GLIS3: variants seen among roughly 807,000 people sequenced by gnomAD.
The protein encoded by GLIS3 is zinc finger protein GLIS3.
A neutral mutation model predicts 78.6 loss-of-function variants in GLIS3; 53 were observed. The observed-to-expected ratio is 0.67, with a 90% CI of 0.54 to 0.85. GLIS3 has a LOEUF of 0.85. Ranked by LOEUF, GLIS3 falls within the 40% of genes least tolerant of loss-of-function variation. GLIS3 has a pLI of 0.00. For synonymous variants in GLIS3, 684 were observed against 509.9 expected (o/e 1.34, Z -4.60); for missense variants, 1,703 against 1,231.1 (o/e 1.38, Z -5.74).
intron 2 of GLIS3, among the ~76,000 whole-genome samples, chr9:4,171,217 G>T (rs1169161691): frequency 6.6e-6 from 1 of 152,084 alleles, no homozygotes; most frequent in Admixed American, 6.6e-5. Context: ...ATACATATAA[G>T]TACACTCTTC....
At chr9:4,356,602 A>G in the GLIS3 span, among the ~76,000 whole-genome samples, 1 of 152,232 alleles carries the variant, frequency 6.6e-6, no homozygotes, top group Non-Finnish European at 1.5e-5. Flanking sequence ...TATTGCAGCT[A>G]TTGCTTTTAA....
At chr9:3,859,129 T>C (rs1819988576) in intron 8 of GLIS3, among the ~76,000 whole-genome samples, 1 of 152,116 alleles carries the variant, frequency 6.6e-6, no homozygotes, top group Non-Finnish European at 1.5e-5. Flanking sequence ...GGACAACTCT[T>C]CTCTCAGCAA....
chr9:4,062,796 G>A (rs12555496), intron 4 of GLIS3, among the ~76,000 whole-genome samples: 3,311 of 152,214 alleles, frequency 0.022, 263 homozygotes, highest in Admixed American at 0.14. Context: ...AGGCACGGTG[G>A]CGGGCACCTG....
At chr9:3,972,965 C>G (rs1024129196) in intron 4 of GLIS3, among the ~76,000 whole-genome samples, 1 of 152,122 alleles carries the variant, frequency 6.6e-6, no homozygotes, top group Non-Finnish European at 1.5e-5. Context: ...GCAAATTCCT[C>G]CACATTTCTG....
At chr9:4,115,970 G>C (rs806054) in intron 4 of GLIS3, among the ~76,000 whole-genome samples, 10 of 151,934 alleles carry the variant, frequency 6.6e-5, no homozygotes, top group African/African-American at 2.4e-4. Flanking sequence ...ATAAGCCTGC[G>C]AACATTAACC....
At chr9:4,125,030 G>C (rs1832466343) in intron 3 of GLIS3, among the ~76,000 whole-genome samples, 1 of 152,188 alleles carries the variant, frequency 6.6e-6, no homozygotes. Flanking sequence ...CTTTGTCTGA[G>C]GGGGTGATTT....
chr9:4,478,054 T>C, the GLIS3 span, among the ~76,000 whole-genome samples: 1 of 152,160 alleles, frequency 6.6e-6, no homozygotes, highest in Non-Finnish European at 1.5e-5. Context: ...AACCGGAACC[T>C]GAACGCTTTA....
At chr9:4,256,135 A>G (rs1270523420) in intron 2 of GLIS3, among the ~76,000 whole-genome samples, 1 of 152,194 alleles carries the variant, frequency 6.6e-6, no homozygotes, top group Non-Finnish European at 1.5e-5. Flanking sequence ...TACAGAAAAG[A>G]CACTGGAACA....
intron 2 of GLIS3, among the ~76,000 whole-genome samples, chr9:4,136,337 T>G (rs1048045979): frequency 1.3e-5 from 2 of 152,178 alleles, no homozygotes; most frequent in African/African-American, 4.8e-5. Context: ...AAGAAGAGTA[T>G]GAACTACAAA....
chr9:4,352,375 C>T (rs1017333776), upstream of GLIS3, among the ~76,000 whole-genome samples: 1 of 152,170 alleles, frequency 6.6e-6, no homozygotes, highest in Non-Finnish European at 1.5e-5. Context: ...TCATTTATCT[C>T]CAAATTAAAA....
At chr9:4,261,709 T>A (rs1244539448) in intron 2 of GLIS3, among the ~76,000 whole-genome samples, 1 of 152,188 alleles carries the variant, frequency 6.6e-6, no homozygotes, top group Non-Finnish European at 1.5e-5. Flanking sequence ...TCTTTGTCAA[T>A]GGCCATAAAC....
At chr9:4,462,496 C>A in the GLIS3 span, among the ~76,000 whole-genome samples, 9 of 151,988 alleles carry the variant, frequency 5.9e-5, no homozygotes, top group East Asian at 1.9e-4. Flanking sequence ...GTAGCTCATG[C>A]CTGTAATCCC....
At chr9:3,984,891 G>A (rs1181088085) in intron 4 of GLIS3, among the ~76,000 whole-genome samples, 1 of 152,138 alleles carries the variant, frequency 6.6e-6, no homozygotes, top group Non-Finnish European at 1.5e-5. Flanking sequence ...TTTTCAAAGT[G>A]GGAGTTTCTC....
At chr9:4,297,394 G>C (rs1391826333) in intron 1 of GLIS3, among the ~76,000 whole-genome samples, 1 of 152,176 alleles carries the variant, frequency 6.6e-6, no homozygotes, top group Admixed American at 6.5e-5. Context: ...TCCTCATCAG[G>C]TGAAGCCAGG....
chr9:3,992,438 A>G (rs1041232150), intron 4 of GLIS3, among the ~76,000 whole-genome samples: 1 of 152,230 alleles, frequency 6.6e-6, no homozygotes, highest in Non-Finnish European at 1.5e-5. Flanking sequence ...GAAGAGTTCA[A>G]AAAAACTGCA....
chr9:3,834,769 T>G (rs1818252869), intron 9 of GLIS3, among the ~76,000 whole-genome samples: 1 of 152,132 alleles, frequency 6.6e-6, no homozygotes, highest in Admixed American at 6.5e-5. Context: ...TATAAATACA[T>G]TAATAAGTAA....
At chr9:4,117,732 T>G (rs1400780893) in intron 4 of GLIS3, 36 bp downstream of exon 4, 3 of 1,613,822 alleles carry the variant, frequency 1.9e-6, no homozygotes, top group Non-Finnish European at 2.5e-6. Flanking sequence ...AGCCGGGCCT[T>G]CAAGAGAGGT....
chr9:4,051,480 G>C (rs769859425), intron 4 of GLIS3, among the ~76,000 whole-genome samples: 10 of 152,022 alleles, frequency 6.6e-5, no homozygotes, highest in African/African-American at 1.2e-4. Context: ...GAAAAATGTA[G>C]CCAAACATAT....
intron 4 of GLIS3, among the ~76,000 whole-genome samples, chr9:4,043,874 T>C (rs1459369653): frequency 1.3e-5 from 2 of 152,158 alleles, no homozygotes; most frequent in Non-Finnish European, 2.9e-5. Flanking sequence ...GAGAACACAA[T>C]GCAAGTCTTG....
Sources: gnomAD v4.1 joint callset for allele counts (sites outside exome capture counted in the v4.1 genomes callset) on GRCh38, gnomAD v4.1.1 for gene constraint, MANE v1.5 for transcripts, NCBI Gene and HGNC (gene_info 2026-07-23, HGNC 2026-07-21) for gene names.